The following RAPGEF5 variants were observed in gnomAD, a reference collection of about 807,000 sequenced individuals.
RAPGEF5 encodes the protein Rap guanine nucleotide exchange factor 5, also known as M-Ras-regulated GEF.
RAPGEF5 carries 65 observed loss-of-function variants against 125.2 expected under a neutral mutation model. The observed-to-expected ratio is 0.52, with a 90% CI of 0.43 to 0.64. The LOEUF is 0.64. Among genes scored for constraint, RAPGEF5 ranks in the 30% least tolerant of loss-of-function variants. The pLI is 0.00. For synonymous variants in RAPGEF5, 391 were observed against 385.9 expected (o/e 1.01, Z -0.16); for missense variants, 958 against 1,048.1 (o/e 0.91, Z 1.19).
intron 11 of RAPGEF5, among the ~76,000 whole-genome samples, chr7:22,187,927 C>A (rs537479308): frequency 1.2e-3 from 176 of 152,358 alleles, no homozygotes; most frequent in Non-Finnish European, 2.3e-3. Context: ...AAGGCCTAGG[C>A]CCCAACTCAG....
intron 9 of RAPGEF5, among the ~76,000 whole-genome samples, chr7:22,195,593 G>T (rs182026768): frequency 6.6e-5 from 10 of 152,292 alleles, no homozygotes; most frequent in African/African-American, 2.4e-4. Context: ...GAGGACGACA[G>T]TGGGACTCCC....
In RAPGEF5 at chr7:22,154,566, T is replaced by A; in HGVS notation, c.1675A>T (p.Ser559Cys). Residue 559 changes from serine to cysteine, a missense_variant, in exon 17 of 26, where the codon AGT becomes TGT. By Grantham distance (112) the Ser-to-Cys change is moderately radical. Transcript: ENST00000665637. The part of the protein sequence containing the change: ...HVYITEHSYV[S>C]VKAKVSSIAQ... ...ATACTGGAAACTTTTGCCTTCACAC[T>A]GACATAGGAGTGCTCTGTTATATAC... The A allele has an allele frequency of 6.2e-7, 1 of 1,613,872 alleles. No homozygotes were observed. The highest frequency in any genetic ancestry group is 8.5e-7 in the Non-Finnish European group (1 of 1,179,790).
intron 9 of RAPGEF5, among the ~76,000 whole-genome samples, chr7:22,219,469 T>C (rs563469171): frequency 3.3e-5 from 5 of 150,318 alleles, no homozygotes; most frequent in South Asian, 2.2e-4. Context: ...ATTTGGCAAC[T>C]AGATCCACCT....
chr7:22,350,826 C>A (rs2390633), intron 1 of RAPGEF5, among the ~76,000 whole-genome samples: 5,407 of 152,290 alleles, frequency 0.036, 162 homozygotes, highest in Non-Finnish European at 0.047. Flanking sequence ...TTGGCATCCA[C>A]AGAGCTTTAT....
At chr7:22,257,587 G>A (rs1383919051) in intron 7 of RAPGEF5, among the ~76,000 whole-genome samples, 1 of 152,154 alleles carries the variant, frequency 6.6e-6, no homozygotes, top group Non-Finnish European at 1.5e-5. Context: ...CAATACCTAT[G>A]ACTTAGGCTC....
intron 21 of RAPGEF5, among the ~76,000 whole-genome samples, chr7:22,138,016 C>T (rs1007317758): frequency 2.6e-5 from 4 of 151,366 alleles, no homozygotes; most frequent in African/African-American, 9.7e-5. Context: ...TACACACACA[C>T]ACACACACAC....
At chr7:22,260,999 T>C (rs914310206) in intron 7 of RAPGEF5, among the ~76,000 whole-genome samples, 1 of 152,190 alleles carries the variant, frequency 6.6e-6, no homozygotes, top group Non-Finnish European at 1.5e-5. Flanking sequence ...AAGAATTCAA[T>C]GAATGCTAAT....
At chr7:22,351,497 A>T (rs1784329125) in intron 1 of RAPGEF5, among the ~76,000 whole-genome samples, 1 of 152,174 alleles carries the variant, frequency 6.6e-6, no homozygotes, top group Admixed American at 6.5e-5. Context: ...CGGAAACAGG[A>T]TACATAGATG....
At position 22,310,096 on chromosome 7, in the gene RAPGEF5, CA is replaced by C; in HGVS notation, c.390-7del. 1 of 1,549,734 alleles carries C rather than the reference CA, an allele frequency of 6.5e-7. No individual in the cohort carries two copies. The highest frequency in any genetic ancestry group is 8.7e-7 in the Non-Finnish European group (1 of 1,154,654). ...CTGACCCAACGCAGCTCCTCCTGAA[CA>C]AAAGCAAAGCCATTCACAGTAAGAT... On this transcript the variant is annotated splice_region_variant and splice_polypyrimidine_tract_variant and intron_variant, in intron 3 of 25. Coordinates refer to ENST00000665637, the MANE Select transcript of RAPGEF5 (RefSeq NM_012294.5).
At chr7:22,289,715 G>C (rs925979309) in intron 6 of RAPGEF5, among the ~76,000 whole-genome samples, 1 of 152,148 alleles carries the variant, frequency 6.6e-6, no homozygotes, top group African/African-American at 2.4e-5. Flanking sequence ...ATTAGGCTTT[G>C]AGTCCCATCC....
At position 22,266,958 on chromosome 7, in the gene RAPGEF5, A is replaced by T; in HGVS notation, c.796+6T>A. 6.2e-7 allele frequency: 1 copy of T among 1,605,376 alleles called. No homozygotes were observed. On this transcript the variant is annotated splice_donor_region_variant and intron_variant, in intron 7 of 25. Coordinates refer to ENST00000665637, the MANE Select transcript of RAPGEF5 (RefSeq NM_012294.5). ...TCTTCCTCCAGCCCCATAAAAGATGACTTACCAGACTTCCTTGCTTTCAAA... is the reference window on the plus strand; with the variant it reads ...TCTTCCTCCAGCCCCATAAAAGATGTCTTACCAGACTTCCTTGCTTTCAAA...
intron 24 of RAPGEF5, among the ~76,000 whole-genome samples, chr7:22,128,227 A>C (rs1782809279): frequency 6.6e-6 from 1 of 152,136 alleles, no homozygotes; most frequent in Non-Finnish European, 1.5e-5. Flanking sequence ...TCGAGGGATA[A>C]AGAGAAGAAA....
At chr7:22,172,395 A>C (rs919285843) in intron 11 of RAPGEF5, among the ~76,000 whole-genome samples, 2 of 152,168 alleles carry the variant, frequency 1.3e-5, no homozygotes, top group African/African-American at 4.8e-5. Flanking sequence ...AAGTTCTGGG[A>C]TTGCAGGTAT....
At chr7:22,276,201 A>C (rs1418519064) in intron 6 of RAPGEF5, among the ~76,000 whole-genome samples, 4 of 152,218 alleles carry the variant, frequency 2.6e-5, no homozygotes, top group Non-Finnish European at 4.4e-5. Context: ...TTTATGTCTC[A>C]AGTTACTTTT....
At chr7:22,269,110 G>A (rs768118264) in intron 6 of RAPGEF5, among the ~76,000 whole-genome samples, 1 of 148,024 alleles carries the variant, frequency 6.8e-6, no homozygotes, top group African/African-American at 2.5e-5. Context: ...GGGAGGATAC[G>A]AGTATTTTAT....
intron 7 of RAPGEF5, among the ~76,000 whole-genome samples, chr7:22,257,963 G>A (rs1488251324): frequency 2.0e-5 from 3 of 151,970 alleles, no homozygotes; most frequent in African/African-American, 7.3e-5. Context: ...ATTATAATAT[G>A]GGAAAAAAGG....
chr7:22,325,014 T>C (rs1292386249), intron 1 of RAPGEF5, among the ~76,000 whole-genome samples: 1 of 152,190 alleles, frequency 6.6e-6, no homozygotes, highest in Non-Finnish European at 1.5e-5. Flanking sequence ...ACAAACCACA[T>C]GCATTCCCCC....
At chr7:22,191,506 T>C in intron 11 of RAPGEF5, 1 of 466,952 alleles carries the variant, frequency 2.1e-6, no homozygotes, top group Non-Finnish European at 4.5e-6. Flanking sequence ...GAGCAGGAAT[T>C]AGGTGAGGTG....
chr7:22,357,065 T>A lies in RAPGEF5; in HGVS notation c.-5A>T. ...GGAGCCCACGGCCATCCTCATGCCC[T>A]GACGGCGCTGCGGCGCCGGGGGCTC... On this transcript the variant is annotated 5_prime_UTR_variant, in exon 1 of 26. Transcript: ENST00000665637. 9.6e-7 allele frequency: 1 copy of A among 1,036,660 alleles called. No individual in the cohort carries two copies. Among genetic ancestry groups the A allele is most frequent in the Non-Finnish European group, 1.2e-6 (1 of 864,312 alleles). 64.2% of individuals were successfully genotyped at this position (1,036,660 alleles called of 1,614,324 possible). A position where few individuals can be genotyped will look rare whatever the true frequency, so the allele number is the denominator to read the frequency against.
Sources: gnomAD v4.1 joint callset for allele counts (sites outside exome capture counted in the v4.1 genomes callset) on GRCh38, gnomAD v4.1.1 for gene constraint, MANE v1.5 for transcripts, NCBI Gene and HGNC (gene_info 2026-07-23, HGNC 2026-07-21) for gene names.